TMEM47: variants seen among roughly 807,000 people sequenced by gnomAD.
TMEM47 encodes the protein transmembrane protein 47, also known as brain cell membrane protein 1.
Under a neutral mutation model 12.4 loss-of-function variants are expected in TMEM47, and 3 were observed. The ratio of observed to expected loss-of-function variants is 0.24; its 90% CI spans 0.11 to 0.63. The LOEUF is 0.63. Among genes scored for constraint, TMEM47 ranks in the 20% least tolerant of loss-of-function variants. The pLI is 0.86. For missense variants in TMEM47, 89 were observed against 143.8 expected (o/e 0.62, Z 1.95); for synonymous variants, 62 against 63.3 (o/e 0.98, Z 0.10).
chrX:34,631,676 G>A (rs976218714), intron 2 of TMEM47, among the ~76,000 whole-genome samples: 1 of 111,407 alleles, frequency 9.0e-6, no homozygotes, highest in Non-Finnish European at 1.9e-5. Flanking sequence ...TAGTCATACC[G>A]AATAAAATAA....
chrX:34,635,122 G>A (rs957774625), intron 2 of TMEM47, among the ~76,000 whole-genome samples: 1 of 111,554 alleles, frequency 9.0e-6, no homozygotes, highest in Admixed American at 9.5e-5. Flanking sequence ...GCCAGGTCCA[G>A]AAAATTAACA....
chrX:34,652,129 T>C (rs142213552), intron 1 of TMEM47, among the ~76,000 whole-genome samples: 1,508 of 112,328 alleles, frequency 0.013, 24 homozygotes, highest in African/African-American at 0.047. Flanking sequence ...TCTCATTTAT[T>C]CTCCAACATA....
intron 1 of TMEM47, among the ~76,000 whole-genome samples, chrX:34,647,268 A>G (rs951720561): frequency 9.0e-6 from 1 of 111,722 alleles, no homozygotes; most frequent in African/African-American, 3.2e-5. Flanking sequence ...TTCTTTGATG[A>G]AAATTTTAGT....
intron 1 of TMEM47, among the ~76,000 whole-genome samples, chrX:34,641,097 CAA>C (rs72059132): frequency 4.1e-5 from 4 of 98,055 alleles, no homozygotes; most frequent in East Asian, 3.2e-4. Flanking sequence ...ATTAAAAAGC[CAA>C]AAAAAAAAAA....
intron 1 of TMEM47, among the ~76,000 whole-genome samples, chrX:34,639,830 C>T (rs938620586): frequency 2.1e-4 from 23 of 111,132 alleles, no homozygotes; most frequent in African/African-American, 6.6e-4. Flanking sequence ...TTTTCTCTTG[C>T]GCCCCTTCCC....
chrX:34,652,289 G>A (rs1325074658), intron 1 of TMEM47, among the ~76,000 whole-genome samples: 1 of 111,922 alleles, frequency 8.9e-6, no homozygotes, highest in Non-Finnish European at 1.9e-5. Flanking sequence ...TGGTATTTAG[G>A]TTAGGTATTC....
intron 1 of TMEM47, 104 bp from the exon 2 acceptor site, chrX:34,639,491 T>G (rs1921776425): frequency 1.3e-6 from 1 of 780,861 alleles, no homozygotes; most frequent in Admixed American, 3.5e-5. Context: ...GATGTGATTT[T>G]ACTGCATGCT....
chrX:34,636,173 TTTTTCTACCAAAATCTAGAC>T (rs1401728999), intron 2 of TMEM47, among the ~76,000 whole-genome samples: 1 of 111,385 alleles, frequency 9.0e-6, no homozygotes, highest in Non-Finnish European at 1.9e-5. Flanking sequence ...TGGACACTGA[TTTTTCTACCAAAATCTAGAC>T]TTGAAATGGT....
chrX:34,651,462 T>C (rs973122988), intron 1 of TMEM47, among the ~76,000 whole-genome samples: 4 of 112,077 alleles, frequency 3.6e-5, no homozygotes, highest in Admixed American at 2.8e-4. Context: ...ACGTTCTGGT[T>C]CCTAGCCATT....
chrX:34,654,330 G>A (rs1471103199), intron 1 of TMEM47, among the ~76,000 whole-genome samples: 1 of 111,555 alleles, frequency 9.0e-6, no homozygotes, highest in Non-Finnish European at 1.9e-5. Context: ...TAAAGATCCT[G>A]GTGAAGGGCC....
intron 2 of TMEM47, among the ~76,000 whole-genome samples, chrX:34,634,597 C>T (rs1921681660): frequency 8.9e-6 from 1 of 111,984 alleles, no homozygotes; most frequent in Non-Finnish European, 1.9e-5. Flanking sequence ...CATTCAACAG[C>T]AATAGTAGAG....
At position 34,650,997 on chromosome X, in the gene TMEM47, G is replaced by A. The variant is rs776685396; in HGVS notation, c.226+5807C>T. Reference sequence around the variant, plus strand: ...AAGACAAACTGGTTGGCCGTTTGTTGTTGTTGTTGTTGTTCTTCAAAGGCA... The same window carrying A: ...AAGACAAACTGGTTGGCCGTTTGTTATTGTTGTTGTTGTTCTTCAAAGGCA... On this transcript the variant is annotated intron_variant, in intron 1 of 2. Coordinates refer to ENST00000275954, the MANE Select transcript of TMEM47 (RefSeq NM_031442.4). 3.2e-3 allele frequency among the ~76,000 whole-genome samples: 361 copies of A among 111,557 alleles called. 2 individuals carry two copies. Among genetic ancestry groups the A allele is most frequent in the African/African-American group, 0.011 (340 of 30,629 alleles).
chrX:34,647,682 T>C (rs1293550152), intron 1 of TMEM47, among the ~76,000 whole-genome samples: 1 of 111,921 alleles, frequency 8.9e-6, no homozygotes, highest in Admixed American at 9.5e-5. Context: ...TTTGAAAAGA[T>C]TAGTAAAATT....
chrX:34,640,551 C>G (rs904243196), intron 1 of TMEM47, among the ~76,000 whole-genome samples: 34 of 111,388 alleles, frequency 3.1e-4, no homozygotes, highest in African/African-American at 9.8e-4. Flanking sequence ...TTAAAAGCCC[C>G]AAGCGCCTCT....
intron 1 of TMEM47, among the ~76,000 whole-genome samples, chrX:34,650,280 C>T (rs1036686411): frequency 1.8e-5 from 2 of 111,795 alleles, no homozygotes; most frequent in African/African-American, 6.5e-5. Flanking sequence ...CCATACATGA[C>T]ATCATTCAAC....
At chrX:34,650,507 T>C (rs4528029) in intron 1 of TMEM47, among the ~76,000 whole-genome samples, 1 of 111,786 alleles carries the variant, frequency 8.9e-6, no homozygotes, top group African/African-American at 3.3e-5. Flanking sequence ...TGAGATTCAA[T>C]ACATGGGCAG....
intron 2 of TMEM47, among the ~76,000 whole-genome samples, chrX:34,633,495 G>A (rs1052116855): frequency 2.7e-5 from 3 of 111,564 alleles, no homozygotes; most frequent in African/African-American, 9.8e-5. Context: ...GGAGAAGCAT[G>A]AGATATGATG....
intron 1 of TMEM47, among the ~76,000 whole-genome samples, chrX:34,648,515 C>T (rs751671769): frequency 1.8e-5 from 2 of 111,908 alleles, no homozygotes; most frequent in African/African-American, 6.5e-5. Context: ...CTTTCTTACA[C>T]TACATACAAA....
At chrX:34,634,434 C>A (rs1052357497) in intron 2 of TMEM47, among the ~76,000 whole-genome samples, 10 of 110,681 alleles carry the variant, frequency 9.0e-5, no homozygotes, top group African/African-American at 3.3e-4. Context: ...TCAATATTTT[C>A]TTCTAAGAAG....
Sources: allele counts gnomAD v4.1 joint callset (sites outside exome capture counted in the v4.1 genomes callset), GRCh38; gene constraint gnomAD v4.1.1; transcripts MANE v1.5; gene names NCBI Gene and HGNC (gene_info 2026-07-23, HGNC 2026-07-21).